FAM83D: variants seen among roughly 807,000 people sequenced by gnomAD.
The protein encoded by FAM83D is protein FAM83D.
Under a neutral mutation model 25.4 loss-of-function variants are expected in FAM83D, and 26 were observed. The ratio of observed to expected loss-of-function variants is 1.02; its 90% confidence interval spans 0.75 to 1.42. The LOEUF (loss-of-function observed/expected upper bound fraction) is 1.42, where lower values mean the gene tolerates loss of function less well. Ranked by LOEUF, FAM83D falls within the 40% of genes most tolerant of loss-of-function variation. The probability of loss-of-function intolerance (pLI) is 0.00; values close to 1 mark genes in which losing one functional copy is unlikely to be tolerated. For missense variants in FAM83D, 740 were observed against 758.1 expected, an observed-to-expected ratio of 0.98 and a Z score of 0.28; for synonymous variants, 310 against 318.5, an observed-to-expected ratio of 0.97 and a Z score of 0.28.
intron 3 of FAM83D, among the ~76,000 whole-genome samples, chr20:38,950,870 T>A (rs1300201596): frequency 1.3e-5 from 2 of 150,590 alleles, no homozygotes; most frequent in Non-Finnish European, 3.0e-5. Flanking sequence ...AGTCATGGAA[T>A]GTGCAGTGGT....
intron 1 of FAM83D, among the ~76,000 whole-genome samples, chr20:38,937,879 G>T (rs1028275348): frequency 6.6e-6 from 1 of 152,104 alleles, no homozygotes; most frequent in African/African-American, 2.4e-5. Context: ...GATTGCTTGT[G>T]CTTCAGAGGC....
intron 2 of FAM83D, 161 bp downstream of exon 2, chr20:38,942,287 T>C: frequency 1.4e-6 from 1 of 715,456 alleles, no homozygotes; most frequent in Non-Finnish European, 2.3e-6. Flanking sequence ...ACAGTACCTG[T>C]GACCTGGCAA....
intron 1 of FAM83D, among the ~76,000 whole-genome samples, chr20:38,936,408 C>T (rs1015333974): frequency 4.6e-5 from 7 of 151,784 alleles, no homozygotes; most frequent in African/African-American, 1.2e-4. Context: ...GTGACGGAAT[C>T]GGGACTAAGA....
In FAM83D at chr20:38,952,585, T is replaced by TA. The variant is rs2085761666; in HGVS notation, c.*71dup. ...AGTGGACATCATCAGCTTCCTGCTT[T>TA]AAAAAATATCTTATGTCCCTAATTG... On this transcript the variant is annotated 3_prime_UTR_variant, in exon 4 of 4. Transcript: ENST00000619850. The TA allele has an allele frequency of 6.6e-7, 1 of 1,515,464 alleles. No homozygotes were observed. Among genetic ancestry groups the TA allele is most frequent in the South Asian group, 1.3e-5 (1 of 76,598 alleles). 93.9% of individuals were successfully genotyped at this position (1,515,464 alleles called of 1,614,324 possible).
Position 38,952,310 on chromosome 20 carries a change from G to A in FAM83D, c.1548G>A (p.Leu516=), listed in dbSNP as rs1269293003. 1 of 1,614,104 alleles carries A rather than the reference G, an allele frequency of 6.2e-7. No homozygotes were observed. The highest frequency in any genetic ancestry group is 8.5e-7 in the Non-Finnish European group (1 of 1,180,024). ...CCAAGTACCTGGGCACCCCCCACCTGGAACTGTACTTGAGTGACTCACTTA... is the reference window on the plus strand; with the variant it reads ...CCAAGTACCTGGGCACCCCCCACCTAGAACTGTACTTGAGTGACTCACTTA... ...GYPKYLGTPH[L]ELYLSDSLRN... is the part of the protein sequence containing the mutation. Residue 516 remains leucine (L), a synonymous_variant, in exon 4 of 4, where the codon CTG becomes CTA. Coordinates refer to ENST00000619850, the MANE Select transcript of FAM83D (RefSeq NM_030919.3).
intron 2 of FAM83D, among the ~76,000 whole-genome samples, chr20:38,942,565 T>C (rs1230013386): frequency 6.6e-6 from 1 of 152,198 alleles, no homozygotes; most frequent in Non-Finnish European, 1.5e-5. Context: ...AGACCACATA[T>C]GATATGATTC....
chr20:38,952,645 C>A lies in FAM83D; in HGVS notation c.*125C>A. ...TACCTGACTTTGTCACCTTTGTTGT[C>A]TTTGAATTCTTTAGGCTGCATATTA... On this transcript the variant is annotated 3_prime_UTR_variant, in exon 4 of 4. Transcript: ENST00000619850. 1 of 1,066,952 alleles carries A rather than the reference C, an allele frequency of 9.4e-7. No homozygotes were observed. The highest frequency in any genetic ancestry group is 1.4e-6 in the Non-Finnish European group (1 of 734,464). The allele number at this position is 1,066,952 out of a possible 1,614,324, so 66.1% of individuals were successfully genotyped here.
At chr20:38,942,293 G>T (rs905644383) in intron 2 of FAM83D, 167 bp downstream of exon 2, 1 of 687,446 alleles carries the variant, frequency 1.5e-6, no homozygotes, top group Non-Finnish European at 2.5e-6. Flanking sequence ...CCTGTGACCT[G>T]GCAATTCTCC....
chr20:38,938,252 C>T (rs2085686814), intron 1 of FAM83D, among the ~76,000 whole-genome samples: 1 of 152,222 alleles, frequency 6.6e-6, no homozygotes, highest in African/African-American at 2.4e-5. Flanking sequence ...GTGCTGTGGG[C>T]CCCCAGGCCC....
chr20:38,952,551 C>T lies in FAM83D; in HGVS notation c.*31C>T. 2 of 1,584,078 alleles carry T rather than the reference C, an allele frequency of 1.3e-6. No individual in the cohort carries two copies. Among genetic ancestry groups the T allele is most frequent in the South Asian group, 2.3e-5 (2 of 86,666 alleles). On this transcript the variant is annotated 3_prime_UTR_variant, in exon 4 of 4. Coordinates refer to ENST00000619850, the MANE Select transcript of FAM83D (RefSeq NM_030919.3). Reference sequence around the variant, plus strand: ...CCGTGTTCAGACTCCTGGTTTCTTCCAGGCTTACAGTGGACATCATCAGCT... The same window carrying T: ...CCGTGTTCAGACTCCTGGTTTCTTCTAGGCTTACAGTGGACATCATCAGCT...
chr20:38,936,210 CAG>C (rs942109096), intron 1 of FAM83D, among the ~76,000 whole-genome samples: 3 of 152,140 alleles, frequency 2.0e-5, no homozygotes, highest in Admixed American at 1.3e-4. Context: ...CTCCTTCACA[CAG>C]AGGAAGAAGA....
At position 38,926,512 on chromosome 20, in the gene FAM83D, C is replaced by A. The variant is rs199696070; in HGVS notation, c.70C>A (p.Pro24Thr). Residue 24 changes from proline to threonine, a missense_variant, in exon 1 of 4, where the codon CCG becomes ACG. Around this residue, in one of 3 missense-constraint regions of FAM83D, gnomAD observed 333 missense variants for 298.6 expected, o/e 1.12. Coordinates refer to ENST00000619850, the MANE Select transcript of FAM83D (RefSeq NM_030919.3). ...ACLSPCGPPN[P>T]TELFSESRRL... is the part of the protein sequence containing the mutation. ...CCTGTCGCCGTGCGGGCCGCCCAAC[C>A]CGACCGAGCTGTTCAGCGAGTCACG... The A allele has an allele frequency of 2.5e-6, 4 of 1,595,132 alleles. No individual in the cohort carries two copies. In the African/African-American group the frequency reaches 5.4e-5, roughly 21 times the overall value.
intron 3 of FAM83D, among the ~76,000 whole-genome samples, chr20:38,951,015 GT>G (rs1310394379): frequency 6.6e-6 from 1 of 152,074 alleles, no homozygotes; most frequent in Non-Finnish European, 1.5e-5. Flanking sequence ...TGGAGACAGG[GT>G]TTCACCATGT....
At chr20:38,928,098 G>C (rs2085644189) in intron 1 of FAM83D, among the ~76,000 whole-genome samples, 1 of 152,208 alleles carries the variant, frequency 6.6e-6, no homozygotes, top group Non-Finnish European at 1.5e-5. Flanking sequence ...AGAGTGTCGT[G>C]GCAGACACCT....
chr20:38,942,645 A>G (rs2085707974), intron 2 of FAM83D, among the ~76,000 whole-genome samples: 2 of 152,242 alleles, frequency 1.3e-5, no homozygotes, highest in South Asian at 4.1e-4. Flanking sequence ...GAGTTGGGGG[A>G]AGGACGGGAT....
At position 38,951,858 on chromosome 20, in the gene FAM83D, TCTA is replaced by T. The variant is rs1568701176; in HGVS notation, c.1099_1101del (p.Thr367del). 6.2e-7 allele frequency: 1 copy of T among 1,614,174 alleles called. No homozygotes were observed. Among genetic ancestry groups the T allele is most frequent in the South Asian group, 1.1e-5 (1 of 91,092 alleles). On this transcript the variant is annotated inframe_deletion, in exon 4 of 4. Transcript: ENST00000619850. ...GCGCAAGCCCCATGACTGTGAGTCC[TCTA>T]CTGTTAGTGAGGAAGACTACTTCAG... is the stretch of plus-strand genomic sequence containing the variant.
rs199696070 is a variant in FAM83D, at chr20:38,926,512, C to T, written c.70C>T (p.Pro24Ser). The T allele has an allele frequency of 5.0e-6, 8 of 1,595,250 alleles. No homozygotes were observed. Among genetic ancestry groups the T allele is most frequent in the African/African-American group, 4.0e-5 (3 of 74,840 alleles). ...CCTGTCGCCGTGCGGGCCGCCCAAC[C>T]CGACCGAGCTGTTCAGCGAGTCACG... is the stretch of plus-strand genomic sequence containing the variant. Reference protein sequence around the residue: ...ACLSPCGPPNPTELFSESRRL... With the variant: ...ACLSPCGPPNSTELFSESRRL... The change falls in exon 1 of 4, where the codon CCG (proline) becomes TCG (serine). Residue 24 changes from proline to serine, a missense_variant. By Grantham distance (74) the Pro-to-Ser change is moderately conservative (BLOSUM62 -1). Around this residue, in one of 3 missense-constraint regions of FAM83D, gnomAD observed 333 missense variants for 298.6 expected, o/e 1.12. Coordinates refer to ENST00000619850, the MANE Select transcript of FAM83D (RefSeq NM_030919.3).
At chr20:38,937,871 TTGCTTG>T (rs1196855019) in intron 1 of FAM83D, among the ~76,000 whole-genome samples, 1 of 152,096 alleles carries the variant, frequency 6.6e-6, no homozygotes, top group African/African-American at 2.4e-5. Flanking sequence ...GGTGGGAGGA[TTGCTTG>T]TGCTTCAGAG....
In FAM83D at chr20:38,952,984, G is replaced by A. The variant is rs2085763685; in HGVS notation, c.*464G>A. Reference sequence around the variant, plus strand: ...GGTTGTATGCTCTTCTGTTTTAAAGGTTTGAATCACCAGCATTTTTGTGAT... The same window carrying A: ...GGTTGTATGCTCTTCTGTTTTAAAGATTTGAATCACCAGCATTTTTGTGAT... On this transcript the variant is annotated 3_prime_UTR_variant, in exon 4 of 4. Coordinates refer to ENST00000619850, the MANE Select transcript of FAM83D (RefSeq NM_030919.3). The A allele has an allele frequency of 6.5e-6, 1 of 154,612 alleles. No individual in the cohort carries two copies. Among genetic ancestry groups the A allele is most frequent in the Non-Finnish European group, 1.4e-5 (1 of 69,662 alleles). The allele number at this position is 154,612 out of a possible 1,614,324, so 9.6% of individuals were successfully genotyped here. A position where few individuals can be genotyped will look rare whatever the true frequency, so the allele number is the denominator to read the frequency against.
Sources: allele counts gnomAD v4.1 joint callset (sites outside exome capture counted in the v4.1 genomes callset), GRCh38; gene constraint gnomAD v4.1.1; regional missense constraint gnomAD v4.1.1; transcripts MANE v1.5; gene names NCBI Gene and HGNC (gene_info 2026-07-23, HGNC 2026-07-21).